Variants in FOXP1 observed in about 807,000 individuals in gnomAD.
FOXP1 encodes forkhead box P1.
In FOXP1, 15 loss-of-function variants were observed where a neutral mutation model predicts 98.2. That is an observed-to-expected ratio of 0.15 (90% CI 0.10 to 0.24). The LOEUF (loss-of-function observed/expected upper bound fraction) is 0.24. Among genes scored for constraint, FOXP1 ranks in the 10% least tolerant of loss-of-function variants. The pLI is 1.00. For missense variants in FOXP1, 633 were observed against 848.5 expected (o/e 0.75, Z 3.15); for synonymous variants, 371 against 314.5 (o/e 1.18, Z -1.90).
intron 19 of FOXP1, among the ~76,000 whole-genome samples, chr3:70,966,774 T>G (rs1181160563): frequency 6.6e-6 from 1 of 152,170 alleles, no homozygotes; most frequent in African/African-American, 2.4e-5. Flanking sequence ...ATATTAAAGG[T>G]TACAAAGTTA....
intron 2 of FOXP1, among the ~76,000 whole-genome samples, chr3:71,521,526 C>CA (rs55687293): frequency 8.1e-4 from 49 of 60,348 alleles, no homozygotes; most frequent in South Asian, 2.8e-3. Flanking sequence ...GACCCTGTCT[C>CA]AAAAAAAAAA....
chr3:71,583,627 G>C lies in FOXP1; in HGVS notation c.-503C>G. ...GGTGTTTTCGGGCCTTTCCCCGCGCGCGCCCACTCCCGCCCGCGCGCGCAC... is the reference window on the plus strand; with the variant it reads ...GGTGTTTTCGGGCCTTTCCCCGCGCCCGCCCACTCCCGCCCGCGCGCGCAC... On this transcript the variant is annotated 5_prime_UTR_variant, in exon 1 of 21. Coordinates refer to ENST00000649528, the MANE Select transcript of FOXP1 (RefSeq NM_001349338.3). 1.0e-6 allele frequency: 1 copy of C among 984,296 alleles called. No homozygotes were observed. Among genetic ancestry groups the C allele is most frequent in the Non-Finnish European group, 1.2e-6 (1 of 829,596 alleles). The allele number at this position is 984,296 out of a possible 1,614,324, so 61.0% of individuals were successfully genotyped here. A position where few individuals can be genotyped will look rare whatever the true frequency, so the allele number is the denominator to read the frequency against.
chr3:71,110,481 G>A (rs558994357), intron 7 of FOXP1, among the ~76,000 whole-genome samples: 10 of 152,050 alleles, frequency 6.6e-5, no homozygotes, highest in Non-Finnish European at 1.5e-4. Flanking sequence ...TATTTTTAAG[G>A]CTGTAAGAGC....
At chr3:71,333,010 C>A (rs928173807) in intron 4 of FOXP1, 1 of 152,276 alleles carries the variant, frequency 6.6e-6, no homozygotes, top group Non-Finnish European at 1.5e-5. Flanking sequence ...AGGGTCAGAG[C>A]AAAGGGCCCG....
At chr3:71,300,116 A>G (rs1296963718) in intron 4 of FOXP1, among the ~76,000 whole-genome samples, 1 of 152,196 alleles carries the variant, frequency 6.6e-6, no homozygotes, top group African/African-American at 2.4e-5. Flanking sequence ...AACATTTCAA[A>G]TGTTGTGTAT....
At chr3:71,160,390 G>A (rs778064443) in intron 6 of FOXP1, among the ~76,000 whole-genome samples, 34 of 152,194 alleles carry the variant, frequency 2.2e-4, no homozygotes, top group Non-Finnish European at 4.1e-4. Flanking sequence ...AGCTGGTCAG[G>A]TACTGGGAAA....
At chr3:71,131,731 ATGAC>A (rs1249378307) in intron 6 of FOXP1, among the ~76,000 whole-genome samples, 3 of 152,252 alleles carry the variant, frequency 2.0e-5, no homozygotes, top group Admixed American at 6.5e-5. Flanking sequence ...CCGCCAGAAA[ATGAC>A]AGGCAGAAGC....
At chr3:71,024,984 G>A (rs1368222621) in intron 11 of FOXP1, among the ~76,000 whole-genome samples, 4 of 152,148 alleles carry the variant, frequency 2.6e-5, no homozygotes, top group African/African-American at 9.7e-5. Flanking sequence ...GGTTTGCATG[G>A]TATACCCTCA....
chr3:71,336,841 C>G (rs2076714363), intron 4 of FOXP1, among the ~76,000 whole-genome samples: 1 of 152,094 alleles, frequency 6.6e-6, no homozygotes, highest in South Asian at 2.1e-4. Context: ...AAACATGAGC[C>G]TCTGGATCCA....
chr3:71,043,582 A>G (rs1338107486), intron 10 of FOXP1, among the ~76,000 whole-genome samples: 2 of 152,188 alleles, frequency 1.3e-5, no homozygotes, highest in African/African-American at 4.8e-5. Context: ...TCTGTTGATG[A>G]TGGCATACTG....
chr3:71,068,960 A>G (rs1171697249), intron 7 of FOXP1, among the ~76,000 whole-genome samples: 2 of 152,208 alleles, frequency 1.3e-5, no homozygotes, highest in African/African-American at 4.8e-5. Flanking sequence ...AGGAACCACC[A>G]TTCTGTCTTG....
chr3:70,998,254 A>G (rs529593355), intron 13 of FOXP1, among the ~76,000 whole-genome samples: 4 of 152,302 alleles, frequency 2.6e-5, no homozygotes, highest in Admixed American at 2.6e-4. Context: ...CAAAAGCAGC[A>G]ATAGGTAATC....
chr3:71,015,815 G>A (rs928928187), intron 11 of FOXP1, among the ~76,000 whole-genome samples, 162 bp from the exon 12 acceptor site: 1 of 152,156 alleles, frequency 6.6e-6, no homozygotes, highest in Non-Finnish European at 1.5e-5. Context: ...ATTCTGCATT[G>A]TTGCCTAAAA....
At chr3:71,442,595 A>T (rs1024289129) in intron 3 of FOXP1, among the ~76,000 whole-genome samples, 74 of 152,188 alleles carry the variant, frequency 4.9e-4, no homozygotes, top group Admixed American at 4.6e-4. Context: ...TCCTGCACCA[A>T]ACTAGCCGCG....
intron 5 of FOXP1, among the ~76,000 whole-genome samples, chr3:71,291,692 G>A (rs114183391): frequency 0.024 from 3,501 of 148,566 alleles, 99 homozygotes; most frequent in South Asian, 0.035. Context: ...TTATTTTACT[G>A]TATTGTATGC....
chr3:71,169,292 G>A (rs1403041769), intron 6 of FOXP1, among the ~76,000 whole-genome samples: 4 of 152,222 alleles, frequency 2.6e-5, no homozygotes, highest in East Asian at 3.9e-4. Context: ...AAACAACTCC[G>A]TTAACATTTG....
At chr3:70,989,763 A>G (rs1249591671) in intron 13 of FOXP1, among the ~76,000 whole-genome samples, 3 of 152,170 alleles carry the variant, frequency 2.0e-5, no homozygotes, top group Non-Finnish European at 4.4e-5. Flanking sequence ...GTGAGAGGTG[A>G]TATTTACTGA....
intron 6 of FOXP1, chr3:71,197,930 A>T: frequency 6.2e-7 from 1 of 1,614,248 alleles, no homozygotes; most frequent in Non-Finnish European, 8.5e-7. Flanking sequence ...TTAGGCTGAC[A>T]CACAGGTCCA....
chr3:71,539,322 C>T (rs1463954901), intron 2 of FOXP1, among the ~76,000 whole-genome samples: 4 of 146,204 alleles, frequency 2.7e-5, no homozygotes, highest in Admixed American at 2.0e-4. Context: ...GGGGTTTCAC[C>T]GTGTTAGCCA....
Sources: allele counts gnomAD v4.1 joint callset (sites outside exome capture counted in the v4.1 genomes callset), GRCh38; gene constraint gnomAD v4.1.1; transcripts MANE v1.5; gene names NCBI Gene and HGNC (gene_info 2026-07-23, HGNC 2026-07-21).